The following CSNK1G3 variants were observed in gnomAD, a reference collection of about 807,000 sequenced individuals.
CSNK1G3 encodes the protein casein kinase I isoform gamma-3.
Under a neutral mutation model 64.3 loss-of-function variants are expected in CSNK1G3, and 23 were observed. That is an observed-to-expected ratio of 0.36 (90% CI 0.26 to 0.51). The LOEUF is 0.51. Ranked by LOEUF, CSNK1G3 falls within the 20% of genes least tolerant of loss-of-function variation. The pLI is 0.96. For missense variants in CSNK1G3, 357 were observed against 510.5 expected (o/e 0.70, Z 2.90); for synonymous variants, 158 against 162.2 (o/e 0.97, Z 0.20).
chr5:123,570,212 G>GA (rs990620743), intron 4 of CSNK1G3, among the ~76,000 whole-genome samples: 1 of 151,946 alleles, frequency 6.6e-6, no homozygotes, highest in Non-Finnish European at 1.5e-5. Context: ...GAAAACTTTT[G>GA]AAAAAACCAG....
chr5:123,551,909 G>A (rs1783737986), intron 2 of CSNK1G3, among the ~76,000 whole-genome samples: 2 of 152,014 alleles, frequency 1.3e-5, no homozygotes, highest in African/African-American at 4.8e-5. Flanking sequence ...ATTCTTTTTA[G>A]TGTACTTATA....
chr5:123,534,929 T>G (rs1780549607), intron 1 of CSNK1G3, among the ~76,000 whole-genome samples: 1 of 152,160 alleles, frequency 6.6e-6, no homozygotes, highest in South Asian at 2.1e-4. Flanking sequence ...ATAGTGCCAT[T>G]GTATAATAAA....
chr5:123,576,648 G>T (rs1046242701), intron 6 of CSNK1G3, among the ~76,000 whole-genome samples: 1 of 152,022 alleles, frequency 6.6e-6, no homozygotes, highest in Non-Finnish European at 1.5e-5. Flanking sequence ...CTATTTTATA[G>T]GATATCTCCA....
intron 12 of CSNK1G3, 59 bp from the exon 14 acceptor site, chr5:123,614,283 G>C: frequency 6.5e-7 from 1 of 1,528,676 alleles, no homozygotes; most frequent in African/African-American, 1.4e-5. Flanking sequence ...AAGTGATACA[G>C]TCAACTTTGT....
At position 123,548,394 on chromosome 5, in the gene CSNK1G3, G is replaced by A. The variant is rs1782957933; in HGVS notation, c.178+2553G>A. On this transcript the variant is annotated intron_variant, in intron 2 of 12. Transcript: ENST00000345990. ...GGATCACTTGAGCTGAGGAGTTTAA[G>A]GTTGCAGTGACCTGTGATTGTGCCA... Among the ~76,000 whole-genome samples, 3 of 142,836 alleles carry A rather than the reference G, an allele frequency of 2.1e-5. No individual in the cohort carries two copies. In the Admixed American group the frequency reaches 2.2e-4, roughly 10 times the overall value. 93.7% of individuals were successfully genotyped at this position (142,836 alleles called of 152,430 possible). A position where few individuals can be genotyped will look rare whatever the true frequency, so the allele number is the denominator to read the frequency against.
At chr5:123,512,609 C>A (rs1388588468) in intron 1 of CSNK1G3, 39 bp downstream of exon 1, 2 of 149,300 alleles carry the variant, frequency 1.3e-5, no homozygotes, top group East Asian at 4.0e-4. Flanking sequence ...CTGCCAGCCC[C>A]GGCCCGGCGG....
chr5:123,541,054 T>G (rs1781594895), intron 1 of CSNK1G3, among the ~76,000 whole-genome samples: 1 of 152,222 alleles, frequency 6.6e-6, no homozygotes. Context: ...TTTTGCGGTA[T>G]TTTATACATG....
intron 10 of CSNK1G3, among the ~76,000 whole-genome samples, chr5:123,592,061 T>G (rs1171651180): frequency 2.0e-5 from 3 of 152,090 alleles, no homozygotes; most frequent in Non-Finnish European, 4.4e-5. Context: ...AATAGCTATA[T>G]TTAAAAAGAG....
At chr5:123,524,251 G>C (rs1580876025) in intron 1 of CSNK1G3, among the ~76,000 whole-genome samples, 2 of 152,168 alleles carry the variant, frequency 1.3e-5, no homozygotes, top group African/African-American at 4.8e-5. Flanking sequence ...CTGGTCCTGT[G>C]GGTCCCACTG....
intron 5 of CSNK1G3, among the ~76,000 whole-genome samples, 166 bp from the exon 6 acceptor site, chr5:123,575,563 T>G (rs1366246000): frequency 6.6e-6 from 1 of 152,188 alleles, no homozygotes; most frequent in Non-Finnish European, 1.5e-5. Context: ...AAATTGCAAT[T>G]TGCTATGTGA....
chr5:123,567,708 C>A (rs527424146), intron 4 of CSNK1G3, among the ~76,000 whole-genome samples: 5 of 152,122 alleles, frequency 3.3e-5, no homozygotes, highest in Non-Finnish European at 7.3e-5. Flanking sequence ...TCACAGTTAT[C>A]GCCAAAGATA....
intron 10 of CSNK1G3, among the ~76,000 whole-genome samples, chr5:123,599,580 A>G (rs1006627299): frequency 3.9e-5 from 6 of 152,232 alleles, no homozygotes; most frequent in Admixed American, 2.6e-4. Flanking sequence ...TATTGTCTCA[A>G]TTACATTAAT....
Position 123,609,410 on chromosome 5 carries a change from C to G in CSNK1G3, c.1217+4048C>G, listed in dbSNP as rs1236695534. ...AATTTCTATTTTGGGTTAGTATTCT[C>G]TAGTAAACAAACTATTCCTTAAAAA... On this transcript the variant is annotated intron_variant, in intron 12 of 12. Coordinates refer to ENST00000345990, the Ensembl canonical transcript of CSNK1G3. Among the ~76,000 whole-genome samples, 4 of 152,170 alleles carry G rather than the reference C, an allele frequency of 2.6e-5. No homozygotes were observed. In the East Asian group the frequency reaches 7.7e-4, roughly 29 times the overall value.
At chr5:123,589,101 G>C (rs540519406) in intron 8 of CSNK1G3, among the ~76,000 whole-genome samples, 1 of 152,104 alleles carries the variant, frequency 6.6e-6, no homozygotes, top group African/African-American at 2.4e-5. Flanking sequence ...AGTATATTAA[G>C]ATAATGACTG....
chr5:123,605,582 CAT>C (rs1218304729), intron 12 of CSNK1G3, among the ~76,000 whole-genome samples: 1 of 152,080 alleles, frequency 6.6e-6, no homozygotes, highest in East Asian at 1.9e-4. Context: ...CTTTAAGTGA[CAT>C]AGATTTGGGG....
rs865863398 is a variant in CSNK1G3 at position 123,512,756 on chromosome 5, C to G, written c.-248+186C>G. The stretch of plus-strand genomic sequence containing the variant: ...TGGGCGAGGACCATGGCGGGTGGCC[C>G]GGAGGCGTGGGCAGGAGGGGGCCGC... On this transcript the variant is annotated intron_variant, in intron 1 of 12. Coordinates refer to ENST00000345990, the Ensembl canonical transcript of CSNK1G3. Among the ~76,000 whole-genome samples the G allele has an allele frequency of 5.1e-4, 76 of 149,634 alleles. No homozygotes were observed. The Middle Eastern group carries it at 0.01, about 21-fold the overall frequency.
At chr5:123,606,375 A>G (rs751475394) in intron 12 of CSNK1G3, among the ~76,000 whole-genome samples, 8 of 152,258 alleles carry the variant, frequency 5.3e-5, no homozygotes, top group Middle Eastern at 3.4e-3. Context: ...TTTTAGGTAC[A>G]ATCCTAAGAC....
At chr5:123,536,616 C>G (rs1780871077) in intron 1 of CSNK1G3, among the ~76,000 whole-genome samples, 1 of 151,920 alleles carries the variant, frequency 6.6e-6, no homozygotes, top group Non-Finnish European at 1.5e-5. Flanking sequence ...GCTAATTACT[C>G]TGATGTGATC....
intron 4 of CSNK1G3, among the ~76,000 whole-genome samples, chr5:123,560,219 A>G (rs1785411930): frequency 6.6e-6 from 1 of 152,214 alleles, no homozygotes; most frequent in Non-Finnish European, 1.5e-5. Flanking sequence ...AACAATACAC[A>G]GAAAGCAAGT....
Sources: allele counts gnomAD v4.1 joint callset (sites outside exome capture counted in the v4.1 genomes callset), GRCh38; gene constraint gnomAD v4.1.1; transcripts MANE v1.5; gene names NCBI Gene and HGNC (gene_info 2026-07-23, HGNC 2026-07-21).